The following PCDHGA10 variants were observed in gnomAD, a reference collection of about 807,000 sequenced individuals.
PCDHGA10 encodes protocadherin gamma-A10.
Under a neutral mutation model 59.5 loss-of-function variants are expected in PCDHGA10, and 42 were observed. The ratio of observed to expected loss-of-function variants is 0.71; its 90% CI spans 0.55 to 0.91. PCDHGA10 has a LOEUF of 0.91. Among genes scored for constraint, PCDHGA10 ranks in the 40% least tolerant of loss-of-function variants. The pLI, the probability that PCDHGA10 is intolerant of heterozygous loss-of-function variation, is 0.00. For missense variants in PCDHGA10, 1,111 were observed against 1,198.2 expected (o/e 0.93, Z 1.07); for synonymous variants, 511 against 517.2 (o/e 0.99, Z 0.16).
At chr5:141,443,665 AACT>A (rs2154560310) in intron 1 of PCDHGA10, among the ~76,000 whole-genome samples, 1 of 152,358 alleles carries the variant, frequency 6.6e-6, no homozygotes, top group African/African-American at 2.4e-5. Context: ...CATTTTACTG[AACT>A]AGTAGTTTAC....
At chr5:141,450,675 C>T (rs377412699) in intron 1 of PCDHGA10, among the ~76,000 whole-genome samples, 3 of 151,614 alleles carry the variant, frequency 2.0e-5, no homozygotes, top group South Asian at 4.2e-4. Flanking sequence ...TTAGTAGAAA[C>T]GGGGTTTTGC....
chr5:141,430,897 C>T, intron 1 of PCDHGA10: 1 of 1,605,442 alleles, frequency 6.2e-7, no homozygotes, highest in Non-Finnish European at 8.5e-7. Context: ...CTAGGGTGGG[C>T]GACATCTCCA....
At chr5:141,439,739 G>A (rs867225156) in intron 1 of PCDHGA10, 4 of 152,312 alleles carry the variant, frequency 2.6e-5, no homozygotes, top group Non-Finnish European at 5.9e-5. Flanking sequence ...GGAACGGAAC[G>A]GATTTACAGG....
At chr5:141,449,156 G>T (rs4432943) in intron 1 of PCDHGA10, among the ~76,000 whole-genome samples, 84,481 of 151,978 alleles carry the variant, frequency 0.56, 26,202 homozygotes, top group African/African-American at 0.85. Context: ...GGTCAAAGAG[G>T]AAATAGGTGT....
At chr5:141,498,967 GGGAGGGAAGGAAGGAAGGAA>G (rs1464205074) in intron 2 of PCDHGA10, among the ~76,000 whole-genome samples, 5 of 129,584 alleles carry the variant, frequency 3.9e-5, no homozygotes, top group African/African-American at 1.6e-4. Flanking sequence ...GAGGGAGGGA[GGGAGGGAAGGAAGGAAGGAA>G]GGAAGGAAGG....
intron 3 of PCDHGA10, among the ~76,000 whole-genome samples, chr5:141,508,752 C>G (rs2099871515): frequency 6.6e-6 from 1 of 152,028 alleles, no homozygotes. Flanking sequence ...CGCTCTTTCT[C>G]TGGCGCCTCT....
At chr5:141,424,547 T>A (rs1484479408) in intron 1 of PCDHGA10, 2 of 152,238 alleles carry the variant, frequency 1.3e-5, no homozygotes, top group African/African-American at 4.8e-5. Flanking sequence ...AACTTGATTT[T>A]GATTCAGTGC....
At position 141,491,084 on chromosome 5, in the gene PCDHGA10, C is replaced by T; in HGVS notation, c.2437-3723C>T. On this transcript the variant is annotated intron_variant, in intron 1 of 3. Transcript: ENST00000398610. This position sits in a 1 kb window ranked among gnomAD's most constrained non-coding sequence, Gnocchi z 6.9. ...TACTCACTGTTGCCACAGTCCACAGCCCCAGGACTGTTCCTCGTGTCTACA... is the reference window on the plus strand; with the variant it reads ...TACTCACTGTTGCCACAGTCCACAGTCCCAGGACTGTTCCTCGTGTCTACA... The T allele has an allele frequency of 6.2e-7, 1 of 1,614,106 alleles. No homozygotes were observed. The highest frequency in any genetic ancestry group is 1.1e-5 in the South Asian group (1 of 91,082).
At chr5:141,416,722 A>C (rs891558095) in intron 1 of PCDHGA10, 3 of 152,258 alleles carry the variant, frequency 2.0e-5, no homozygotes, top group African/African-American at 7.2e-5. Context: ...TGATGAGTTC[A>C]TTTAGTTCAA....
intron 2 of PCDHGA10, among the ~76,000 whole-genome samples, chr5:141,496,955 G>T (rs2099772887): frequency 6.6e-6 from 1 of 152,006 alleles, no homozygotes; most frequent in African/African-American, 2.4e-5. Context: ...GGAGGCCAAG[G>T]TGGGTAGATC....
At chr5:141,478,563 C>G (rs1484075735) in intron 1 of PCDHGA10, 16 of 1,596,154 alleles carry the variant, frequency 1.0e-5, no homozygotes, top group African/African-American at 1.3e-5. Context: ...TTTAGCAAGT[C>G]ATGCTTGACC....
intron 1 of PCDHGA10, among the ~76,000 whole-genome samples, chr5:141,455,998 T>C (rs1301217416): frequency 2.6e-5 from 4 of 151,692 alleles, no homozygotes; most frequent in Non-Finnish European, 4.4e-5. Flanking sequence ...CTCGGGTTCA[T>C]GCCATTCTCC....
chr5:141,421,477 A>G (rs755936665), intron 1 of PCDHGA10: 23 of 1,614,022 alleles, frequency 1.4e-5, no homozygotes, highest in Non-Finnish European at 1.7e-6. Context: ...GCGAAGCGGC[A>G]GCTTGATCAC....
At chr5:141,510,850 G>A in intron 3 of PCDHGA10, 97 bp from the exon 4 acceptor site, 4 of 1,599,444 alleles carry the variant, frequency 2.5e-6, no homozygotes, top group South Asian at 1.1e-5. Context: ...AAGGCCCAGG[G>A]TGCTGTATAG....
At chr5:141,466,324 C>A (rs2154569179) in intron 1 of PCDHGA10, among the ~76,000 whole-genome samples, 1 of 152,218 alleles carries the variant, frequency 6.6e-6, no homozygotes, top group East Asian at 1.9e-4. Context: ...GCACATGCTA[C>A]CATGCCTGGA....
chr5:141,422,795 A>G lies in PCDHGA10; in HGVS notation c.2436+7184A>G, dbSNP rs543001807. ...CTCTATGCCCTACAATCCTTCGACTATGAGCAGTTTCGAGACTTAGAACTG... is the reference window on the plus strand; with the variant it reads ...CTCTATGCCCTACAATCCTTCGACTGTGAGCAGTTTCGAGACTTAGAACTG... On this transcript the variant is annotated intron_variant, in intron 1 of 3. Transcript: ENST00000398610. 14 of 1,614,198 alleles carry G rather than the reference A, an allele frequency of 8.7e-6. No homozygotes were observed. In the East Asian group the frequency reaches 1.8e-4, roughly 21 times the overall value.
At position 141,491,410 on chromosome 5, in the gene PCDHGA10, G is replaced by A. The variant is rs777207581; in HGVS notation, c.2437-3397G>A. The A allele has an allele frequency of 1.9e-6, 3 of 1,614,024 alleles. No homozygotes were observed. Among genetic ancestry groups the A allele is most frequent in the Admixed American group, 1.7e-5 (1 of 60,006 alleles). ...GTGCCTTCAGGGAAACGCAGACGGGGACGGGGGTGGAGGGCAGTGCTGCAG... is the reference window on the plus strand; with the variant it reads ...GTGCCTTCAGGGAAACGCAGACGGGAACGGGGGTGGAGGGCAGTGCTGCAG... On this transcript the variant is annotated intron_variant, in intron 1 of 3. Transcript: ENST00000398610. The surrounding 1 kb of genome is among the most constrained non-coding windows in gnomAD (Gnocchi z 6.9).
intron 1 of PCDHGA10, chr5:141,421,453 T>G: frequency 1.2e-6 from 2 of 1,614,102 alleles, no homozygotes; most frequent in Middle Eastern, 1.6e-4. Context: ...GACACAGCTT[T>G]TCGCTGTGAA....
intron 1 of PCDHGA10, chr5:141,427,369 C>T (rs1333238163): frequency 4.4e-6 from 2 of 457,834 alleles, no homozygotes; most frequent in Non-Finnish European, 8.8e-6. Flanking sequence ...GAACCCTGGA[C>T]GGTGATCACT....
Sources: gnomAD v4.1 joint callset for allele counts (sites outside exome capture counted in the v4.1 genomes callset) on GRCh38, gnomAD v4.1.1 for gene constraint, Gnocchi (gnomAD v3.1) non-coding constraint, MANE v1.5 for transcripts, NCBI Gene and HGNC (gene_info 2026-07-23, HGNC 2026-07-21) for gene names.